DNAH11: variants seen among roughly 807,000 people sequenced by gnomAD.
The protein encoded by DNAH11 is axonemal beta dynein heavy chain 11.
In DNAH11, 442 loss-of-function variants were observed where a neutral mutation model predicts 526.0. The observed-to-expected ratio is 0.84, with a 90% confidence interval of 0.78 to 0.91. DNAH11 has a LOEUF of 0.91. DNAH11 is among the 40% of genes least tolerant of loss of function. The pLI is 0.00. For synonymous variants in DNAH11, 2,461 were observed against 1,935.9 expected (o/e 1.27, Z -7.12); for missense variants, 6,989 against 5,448.7 (o/e 1.28, Z -8.90).
At chr7:21,893,446 C>T (rs1448568903) in intron 77 of DNAH11, among the ~76,000 whole-genome samples, 2 of 152,188 alleles carry the variant, frequency 1.3e-5, no homozygotes, top group African/African-American at 4.8e-5. Flanking sequence ...GATATACTGT[C>T]TACCTCCACT....
chr7:21,645,239 G>C (rs17691087), intron 28 of DNAH11, among the ~76,000 whole-genome samples: 7,695 of 152,324 alleles, frequency 0.051, 230 homozygotes, highest in Non-Finnish European at 0.062. Context: ...GATGTCACTT[G>C]ATGAAGGTTG....
At chr7:21,544,122 G>T (rs902542907) in intron 1 of DNAH11, among the ~76,000 whole-genome samples, 1 of 152,104 alleles carries the variant, frequency 6.6e-6, no homozygotes, top group Non-Finnish European at 1.5e-5. Flanking sequence ...ACATTTAGAG[G>T]GAACAGTTCC....
At position 21,672,036 on chromosome 7, in the gene DNAH11, G is replaced by A. The variant is rs114904260; in HGVS notation, c.5329-9510G>A. On this transcript the variant is annotated intron_variant, in intron 30 of 81. Coordinates refer to ENST00000409508, the MANE Select transcript of DNAH11 (RefSeq NM_001277115.2). ...CATGTTCTGATAGTTTTAAGAGCAT[G>A]GGACTTGGTCTCTTTGTCATTTCCT... Among the ~76,000 whole-genome samples, 696 of 152,284 alleles carry A rather than the reference G, an allele frequency of 4.6e-3. 8 individuals are homozygous for A. Among genetic ancestry groups the A allele is most frequent in the African/African-American group, 0.016 (667 of 41,564 alleles).
intron 48 of DNAH11, among the ~76,000 whole-genome samples, chr7:21,740,411 C>T (rs1583647905): frequency 6.6e-6 from 1 of 152,254 alleles, no homozygotes; most frequent in East Asian, 1.9e-4. Flanking sequence ...TGGCAACCAC[C>T]ATTCTACTTT....
At chr7:21,728,961 G>C (rs1399298509) in intron 45 of DNAH11, among the ~76,000 whole-genome samples, 1 of 152,228 alleles carries the variant, frequency 6.6e-6, no homozygotes, top group Admixed American at 6.5e-5. Flanking sequence ...CGGCAGTATT[G>C]CCCTTGGGGG....
Position 21,558,937 on chromosome 7 carries a change from C to G in DNAH11, c.631C>G (p.Leu211Val), listed in dbSNP as rs1384315256. 2 of 1,596,912 alleles carry G rather than the reference C, an allele frequency of 1.3e-6. No individual in the cohort carries two copies. The highest frequency in any genetic ancestry group is 1.7e-6 in the Non-Finnish European group (2 of 1,170,888). ...IFRGKMSRRT[L>V]LPIPTVAGKM... ...TAGGGGCAAAATGTCTAGAAGAACT[C>G]TTCTACCAATTCCCACTGTTGCAGG... The change falls in exon 3 of 82, where the codon CTT becomes GTT. Residue 211 changes from leucine to valine, a missense_variant. By Grantham distance (32) the Leu-to-Val change is conservative. Transcript: ENST00000409508.
chr7:21,785,031 G>A (rs1384423143), intron 58 of DNAH11, among the ~76,000 whole-genome samples: 2 of 152,150 alleles, frequency 1.3e-5, no homozygotes, highest in Admixed American at 6.5e-5. Flanking sequence ...CTCCCTAAGC[G>A]TTCACATTCT....
chr7:21,792,731 G>A (rs1165203726), intron 61 of DNAH11, among the ~76,000 whole-genome samples: 4 of 151,920 alleles, frequency 2.6e-5, no homozygotes, highest in South Asian at 2.1e-4. Context: ...TGTGGTATCC[G>A]TTGTTATATA....
At chr7:21,687,299 A>G (rs1180764454) in intron 33 of DNAH11, 44 bp downstream of exon 33, 1 of 1,554,236 alleles carries the variant, frequency 6.4e-7, no homozygotes, top group Admixed American at 2.0e-5. Context: ...ATTCTCTAAC[A>G]TTATTCCTGA....
intron 36 of DNAH11, among the ~76,000 whole-genome samples, chr7:21,702,468 T>C (rs1396191832): frequency 6.6e-6 from 1 of 151,560 alleles, no homozygotes; most frequent in African/African-American, 2.4e-5. Flanking sequence ...AATACTGCAG[T>C]TAAGCGCTAT....
At chr7:21,657,643 T>C (rs963756167) in intron 29 of DNAH11, among the ~76,000 whole-genome samples, 1 of 152,222 alleles carries the variant, frequency 6.6e-6, no homozygotes, top group South Asian at 2.1e-4. Flanking sequence ...AACTTGTTGC[T>C]TGATGACCTT....
intron 67 of DNAH11, among the ~76,000 whole-genome samples, chr7:21,852,843 T>C (rs916469402): frequency 2.6e-4 from 39 of 152,348 alleles, no homozygotes; most frequent in African/African-American, 9.4e-4. Context: ...AGAGATGTCA[T>C]TCAAATTAGA....
In DNAH11 at chr7:21,564,132, GAAAAA is replaced by G; in HGVS notation, c.983-44_983-40del. 4 of 1,148,574 alleles carry G rather than the reference GAAAAA, an allele frequency of 3.5e-6. No individual in the cohort carries two copies. In the South Asian group the frequency reaches 7.8e-5, roughly 22 times the overall value. 71.1% of individuals were successfully genotyped at this position (1,148,574 alleles called of 1,614,324 possible). ...CTCTTCTACATGTAAAGTGAATTTA[GAAAAA>G]AAAAAAAAACAAACCAGAATCACGT... On this transcript the variant is annotated intron_variant, in intron 5 of 81. Coordinates refer to ENST00000409508, the MANE Select transcript of DNAH11 (RefSeq NM_001277115.2).
chr7:21,803,784 G>GGCT (rs2127994567), intron 62 of DNAH11, among the ~76,000 whole-genome samples: 1 of 150,924 alleles, frequency 6.6e-6, no homozygotes, highest in Admixed American at 6.6e-5. Flanking sequence ...TGGGGAATGG[G>GGCT]GCTGTCATCA....
intron 34 of DNAH11, among the ~76,000 whole-genome samples, chr7:21,689,991 C>G (rs1783543343): frequency 6.6e-6 from 1 of 152,202 alleles, no homozygotes; most frequent in Non-Finnish European, 1.5e-5. Context: ...CACTATTTCT[C>G]CAACGCAAAT....
In DNAH11 at chr7:21,600,025, T is replaced by G. The variant is rs758544594; in HGVS notation, c.2906T>G (p.Phe969Cys). Residue 969 changes from phenylalanine (F) to cysteine (C), a missense_variant, in exon 15 of 82, where the codon TTC becomes TGC. Physicochemically the swap from Phe to Cys is radical, Grantham distance 205. Coordinates refer to ENST00000409508, the MANE Select transcript of DNAH11 (RefSeq NM_001277115.2). Reference protein sequence around the residue: ...PSLDREAGDGFYDLVEEMLCN... With the variant: ...PSLDREAGDGCYDLVEEMLCN... ...CTAGACAGAGAGGCTGGGGATGGCT[T>G]CTATGATCTTGTAGAAGAAATGTTA... 1 of 1,612,842 alleles carries G rather than the reference T, an allele frequency of 6.2e-7. No individual in the cohort carries two copies. The highest frequency in any genetic ancestry group is 8.5e-7 in the Non-Finnish European group (1 of 1,179,236).
Position 21,543,132 on chromosome 7 carries a change from G to C in DNAH11, c.-114G>C. 2.1e-6 allele frequency: 3 copies of C among 1,433,308 alleles called. No homozygotes were observed. In the East Asian group the frequency reaches 7.6e-5, roughly 36 times the overall value. 88.8% of individuals were successfully genotyped at this position (1,433,308 alleles called of 1,614,324 possible). On this transcript the variant is annotated 5_prime_UTR_variant, in exon 1 of 82. Transcript: ENST00000409508. ...AGGTGGGAGACTAGGGTCTGCGCTC[G>C]CGGCGACCGCGGAGGAGGGTGGGCG... is the stretch of plus-strand genomic sequence containing the variant.
chr7:21,561,013 T>A, intron 4 of DNAH11, 58 bp from the exon 5 acceptor site: 5 of 1,142,078 alleles, frequency 4.4e-6, no homozygotes, highest in Non-Finnish European at 6.4e-6. Context: ...ACAGAATGCA[T>A]GTATTTAGTA....
chr7:21,732,118 A>G (rs1785412565), intron 45 of DNAH11, among the ~76,000 whole-genome samples: 1 of 152,180 alleles, frequency 6.6e-6, no homozygotes, highest in African/African-American at 2.4e-5. Context: ...GGCTGCCATA[A>G]CAAAATACCA....
Sources: allele counts gnomAD v4.1 joint callset (sites outside exome capture counted in the v4.1 genomes callset), GRCh38; gene constraint gnomAD v4.1.1; transcripts MANE v1.5; gene names NCBI Gene and HGNC (gene_info 2026-07-23, HGNC 2026-07-21).